The following ARHGEF40 variants were observed in gnomAD, a reference collection of about 807,000 sequenced individuals.
ARHGEF40 encodes Rho guanine nucleotide exchange factor 40, also known as Rho guanine nucleotide exchange factor (GEF) 40.
A neutral mutation model predicts 165.9 loss-of-function variants in ARHGEF40; 98 were observed. That is an observed-to-expected ratio of 0.59 (90% CI 0.50 to 0.70). The LOEUF is 0.70. Among genes scored for constraint, ARHGEF40 ranks in the 30% least tolerant of loss-of-function variants. ARHGEF40 has a pLI of 0.00. For synonymous variants in ARHGEF40, 792 were observed against 814.3 expected (o/e 0.97, Z 0.47); for missense variants, 1,815 against 1,968.0 (o/e 0.92, Z 1.47).
chr14:21,080,436 C>G (rs1566530901), intron 11 of ARHGEF40, among the ~76,000 whole-genome samples: 1 of 152,184 alleles, frequency 6.6e-6, no homozygotes, highest in Non-Finnish European at 1.5e-5. Flanking sequence ...TCCCATCAGC[C>G]CAGCTTCCCT....
At position 21,088,840 on chromosome 14, in the gene ARHGEF40, G is replaced by C; in HGVS notation, c.4529G>C (p.Arg1510Pro). 6.2e-7 allele frequency: 1 copy of C among 1,612,962 alleles called. No individual in the cohort carries two copies. The highest frequency in any genetic ancestry group is 8.5e-7 in the Non-Finnish European group (1 of 1,179,258). ...CTTCTCTCCCCCCAGAGTCATGCTCGAGCCCTGAGTGACCCCACCACGCCT... is the reference window on the plus strand; with the variant it reads ...CTTCTCTCCCCCCAGAGTCATGCTCCAGCCCTGAGTGACCCCACCACGCCT... ...ILGLSRQSHA[R>P]ALSDPTTPL The change falls in exon 23 of 24, where the codon CGA becomes CCA. Residue 1510 changes from arginine to proline, a missense_variant. Coordinates refer to ENST00000298694, the MANE Select transcript of ARHGEF40 (RefSeq NM_018071.5).
intron 17 of ARHGEF40, 106 bp from the exon 18 acceptor site, chr14:21,084,647 G>A: frequency 7.8e-7 from 1 of 1,279,892 alleles, no homozygotes; most frequent in Non-Finnish European, 1.1e-6. Flanking sequence ...GACTCTACCT[G>A]AGAACCAGTG....
At chr14:21,077,706 T>A (rs150375191) in intron 8 of ARHGEF40, among the ~76,000 whole-genome samples, 1 of 152,332 alleles carries the variant, frequency 6.6e-6, no homozygotes, top group East Asian at 1.9e-4. Context: ...TGTAATTCTA[T>A]GAATATAAGT....
chr14:21,089,578 G>T lies in ARHGEF40; in HGVS notation c.*570G>T, dbSNP rs191975607. Reference sequence around the variant, plus strand: ...TCTAAGGAGCTAGAGTAGTCCTCTGGATTAAGGTGATAAATAACTTGAGCA... The same window carrying T: ...TCTAAGGAGCTAGAGTAGTCCTCTGTATTAAGGTGATAAATAACTTGAGCA... On this transcript the variant is annotated 3_prime_UTR_variant, in exon 24 of 24. Transcript: ENST00000298694. 6.5e-6 allele frequency: 1 copy of T among 152,714 alleles called. No homozygotes were observed. Among genetic ancestry groups the T allele is most frequent in the African/African-American group, 2.4e-5 (1 of 41,552 alleles). The allele number at this position is 152,714 out of a possible 1,614,324, so 9.5% of individuals were successfully genotyped here.
rs1888375882 is a variant in ARHGEF40, at chr14:21,086,908, A to G, written c.4139-93A>G. The G allele has an allele frequency of 5.1e-5, 12 of 235,722 alleles. No individual in the cohort carries two copies. In the East Asian group the frequency reaches 1.8e-3, roughly 36 times the overall value. 14.6% of individuals were successfully genotyped at this position (235,722 alleles called of 1,614,324 possible). ...GAGGAATGAGGATTGGGAAGGAACG[A>G]AAAAAAAAAAAAAAGAAAAAAATCA... On this transcript the variant is annotated intron_variant, in intron 19 of 23. Transcript: ENST00000298694.
At chr14:21,078,588 A>C in intron 10 of ARHGEF40, 100 bp downstream of exon 10, 1 of 1,230,862 alleles carries the variant, frequency 8.1e-7, no homozygotes, top group Non-Finnish European at 1.1e-6. Flanking sequence ...CTTACTGTGC[A>C]TGTATCTGGG....
chr14:21,075,382 G>A lies in ARHGEF40; in HGVS notation c.1501G>A (p.Glu501Lys). The part of the protein sequence containing the change: ...PLSDTPTPPL[E>K]TVQEGKGDNI... ...GTCTGACACTCCAACACCTCCGCTGGAGACTGTGCAGGAAGGAAAAGGGGA... is the reference window on the plus strand; with the variant it reads ...GTCTGACACTCCAACACCTCCGCTGAAGACTGTGCAGGAAGGAAAAGGGGA... Residue 501 changes from glutamate to lysine, a missense_variant, in exon 4 of 24, where the codon GAG (glutamate) becomes AAG (lysine). By Grantham distance (56) the Glu-to-Lys change is moderately conservative. Coordinates refer to ENST00000298694, the MANE Select transcript of ARHGEF40 (RefSeq NM_018071.5). This position sits in a 1 kb window ranked among gnomAD's most constrained non-coding sequence, Gnocchi z 4.5. 6.2e-7 allele frequency: 1 copy of A among 1,614,192 alleles called. No individual in the cohort carries two copies. Among genetic ancestry groups the A allele is most frequent in the African/African-American group, 1.3e-5 (1 of 75,068 alleles).
chr14:21,076,765 C>T lies in ARHGEF40; in HGVS notation c.1918-9C>T. On this transcript the variant is annotated splice_polypyrimidine_tract_variant and intron_variant, in intron 7 of 23. Transcript: ENST00000298694. ...CCCAGGAAGAAACCCCCTGCCTTAC[C>T]CTCTACAGGGTGCTGAGGTGCTGTC... is the stretch of plus-strand genomic sequence containing the variant. 6.2e-7 allele frequency: 1 copy of T among 1,613,784 alleles called. No individual in the cohort carries two copies. Among genetic ancestry groups the T allele is most frequent in the Non-Finnish European group, 8.5e-7 (1 of 1,179,788 alleles).
chr14:21,074,705 C>A lies in ARHGEF40; in HGVS notation c.975C>A (p.Val325=), dbSNP rs751209427. Residue 325 remains valine, a synonymous_variant, in exon 3 of 24, where the codon GTC becomes GTA. Transcript: ENST00000298694. This position sits in a 1 kb window ranked among gnomAD's most constrained non-coding sequence, Gnocchi z 4.8. ...SPESPPGAEA[V]PEAAVLEVSE... is the part of the protein sequence containing the mutation. ...AGTCTCCCCCAGGAGCTGAGGCTGT[C>A]CCAGAGGCAGCAGTCTTGGAGGTGT... 1.9e-6 allele frequency: 3 copies of A among 1,594,036 alleles called. No individual in the cohort carries two copies. Among genetic ancestry groups the A allele is most frequent in the Middle Eastern group, 1.8e-4 (1 of 5,446 alleles).
the ARHGEF40 span, among the ~76,000 whole-genome samples, chr14:21,062,536 G>A: frequency 6.6e-6 from 1 of 152,190 alleles, no homozygotes; most frequent in African/African-American, 2.4e-5. Context: ...GGCCCGTGTA[G>A]GGGTGGCAGA....
chr14:21,064,997 C>T, the ARHGEF40 span, among the ~76,000 whole-genome samples: 148 of 152,208 alleles, frequency 9.7e-4, 2 homozygotes, highest in East Asian at 0.02. Flanking sequence ...ATGCTGAAAC[C>T]ACATTTCTAC....
intron 22 of ARHGEF40, 103 bp downstream of exon 22, chr14:21,088,201 G>A: frequency 2.9e-6 from 4 of 1,380,534 alleles, no homozygotes; most frequent in Non-Finnish European, 3.9e-6. Flanking sequence ...GGAAAACTGT[G>A]AACTTGTGCT....
chr14:21,087,211 AAT>A, intron 20 of ARHGEF40, 106 bp downstream of exon 20: 1 of 1,577,702 alleles, frequency 6.3e-7, no homozygotes, highest in Non-Finnish European at 8.7e-7. Flanking sequence ...CTCGTCCCCA[AAT>A]CAGTGGGACT....
Position 21,075,418 on chromosome 14 carries a change from G to GA in ARHGEF40, c.1539dup (p.Glu514ArgfsTer9), listed in dbSNP as rs1887328393. ...GGAAGGAAAAGGGGACAACATTCCA[G>GA]AAGAGGCCCTTGCAGTCTCCGTCTC... is the stretch of plus-strand genomic sequence containing the variant. On this transcript the variant is annotated frameshift_variant, in exon 4 of 24. Coordinates refer to ENST00000298694, the MANE Select transcript of ARHGEF40 (RefSeq NM_018071.5). LOFTEE classifies it high-confidence loss of function. The surrounding 1 kb of genome is among the most constrained non-coding windows in gnomAD (Gnocchi z 4.5). 1.2e-6 allele frequency: 2 copies of GA among 1,614,126 alleles called. No homozygotes were observed. Among genetic ancestry groups the GA allele is most frequent in the African/African-American group, 2.7e-5 (2 of 74,936 alleles).
chr14:21,068,190 G>A (rs1215728584), upstream of ARHGEF40, among the ~76,000 whole-genome samples: 27 of 25,864 alleles, frequency 1.0e-3, 9 homozygotes, highest in African/African-American at 1.9e-3. Context: ...TAGTAGAGAC[G>A]GGGTTTCACC....
chr14:21,080,618 TC>T, intron 11 of ARHGEF40, 41 bp from the exon 12 acceptor site: 1 of 1,583,228 alleles, frequency 6.3e-7, no homozygotes, highest in South Asian at 1.1e-5. Context: ...TCCTTGCCTT[TC>T]CACTCCATGA....
chr14:21,067,783 C>CAG (rs1886350891), upstream of ARHGEF40, among the ~76,000 whole-genome samples: 1 of 151,628 alleles, frequency 6.6e-6, no homozygotes, highest in Non-Finnish European at 1.5e-5. Flanking sequence ...CACACACACA[C>CAG]ACTTTTAGGT....
chr14:21,063,355 A>G, the ARHGEF40 span, among the ~76,000 whole-genome samples: 1 of 152,216 alleles, frequency 6.6e-6, no homozygotes, highest in African/African-American at 2.4e-5. Flanking sequence ...TCCTCATCTG[A>G]AGTGCAAATA....
rs756607204 is a variant in ARHGEF40, at chr14:21,082,933, A to G, written c.3573+16A>G. ...CTTAAGCAAGGTAACTTTTTCTCCAACCTTCAGGAGAAAAGTAGAGAGGCC... is the reference window on the plus strand; with the variant it reads ...CTTAAGCAAGGTAACTTTTTCTCCAGCCTTCAGGAGAAAAGTAGAGAGGCC... On this transcript the variant is annotated intron_variant, in intron 16 of 23. Coordinates refer to ENST00000298694, the MANE Select transcript of ARHGEF40 (RefSeq NM_018071.5). 1.2e-6 allele frequency: 2 copies of G among 1,611,040 alleles called. No homozygotes were observed. Among genetic ancestry groups the G allele is most frequent in the South Asian group, 2.2e-5 (2 of 90,982 alleles).
Sources: gnomAD v4.1 joint callset for allele counts (sites outside exome capture counted in the v4.1 genomes callset) on GRCh38, gnomAD v4.1.1 for gene constraint, Gnocchi (gnomAD v3.1) non-coding constraint, MANE v1.5 for transcripts, NCBI Gene and HGNC (gene_info 2026-07-23, HGNC 2026-07-21) for gene names.